Variants in ARHGAP8 observed in about 807,000 individuals in gnomAD.
The protein encoded by ARHGAP8 is Rho GTPase activating protein 8, also known as rho GTPase-activating protein 8.
A neutral mutation model predicts 46.1 loss-of-function variants in ARHGAP8; 62 were observed. The observed-to-expected ratio is 1.34, with a 90% CI of 1.10 to 1.66. The LOEUF (loss-of-function observed/expected upper bound fraction) is 1.66, where lower values mean the gene tolerates loss of function less well. Among genes scored for constraint, ARHGAP8 ranks in the 40% most tolerant of loss-of-function variants. The pLI, the probability that ARHGAP8 is intolerant of heterozygous loss-of-function variation, is 0.00. For synonymous variants in ARHGAP8, 375 were observed against 243.1 expected, an observed-to-expected ratio of 1.54 and a Z score of -5.05; for missense variants, 923 against 568.4, an observed-to-expected ratio of 1.62 and a Z score of -6.34.
rs1175445714 is a variant in ARHGAP8, at chr22:44,802,182, T to C, written c.167+18T>C. On this transcript the variant is annotated intron_variant, in intron 3 of 11. Coordinates refer to ENST00000356099, the MANE Select transcript of ARHGAP8 (RefSeq NM_181335.3). The stretch of plus-strand genomic sequence containing the variant: ...CTGCTGGAGTAAGTGTTCTGCCCCC[T>C]CTCTTTCTGTCCCTGTCTCTCCATG... 3 of 1,613,198 alleles carry C rather than the reference T, an allele frequency of 1.9e-6. No individual in the cohort carries two copies. The South Asian group carries it at 3.3e-5, about 18-fold the overall frequency.
At chr22:44,825,305 A>G (rs894289795) in intron 6 of ARHGAP8, among the ~76,000 whole-genome samples, 178 bp from the exon 7 acceptor site, 3 of 151,832 alleles carry the variant, frequency 2.0e-5, no homozygotes, top group South Asian at 2.1e-4. Context: ...GCCCACAGCA[A>G]TGGGGGATTG....
At position 44,813,368 on chromosome 22, in the gene ARHGAP8, TACACAC is replaced by T. The variant is rs376675077; in HGVS notation, c.300-1302_300-1297del. Reference sequence around the variant, plus strand: ...ATACATACACTTACACACACCTACATACACACATACCCACCTACAGTACATACACCC... The same window carrying T: ...ATACATACACTTACACACACCTACATATACCCACCTACAGTACATACACCC... On this transcript the variant is annotated intron_variant, in intron 4 of 11. Coordinates refer to ENST00000356099, the MANE Select transcript of ARHGAP8 (RefSeq NM_181335.3). 4.8e-5 allele frequency among the ~76,000 whole-genome samples: 7 copies of T among 146,130 alleles called. 1 individual carries two copies. In the South Asian group the frequency reaches 1.5e-3, roughly 32 times the overall value.
chr22:44,846,992 T>C (rs562777975), intron 8 of ARHGAP8, among the ~76,000 whole-genome samples: 85 of 152,190 alleles, frequency 5.6e-4, no homozygotes, highest in African/African-American at 2.0e-3. Context: ...GGAGAGCAGG[T>C]GAAGGGGCTC....
chr22:44,838,310 G>A (rs1429682618), intron 7 of ARHGAP8, among the ~76,000 whole-genome samples: 1 of 152,082 alleles, frequency 6.6e-6, no homozygotes, highest in Non-Finnish European at 1.5e-5. Context: ...GCTAATTTTT[G>A]CATTTTTAGT....
At chr22:44,840,627 CTG>C (rs1294253858) in intron 7 of ARHGAP8, among the ~76,000 whole-genome samples, 1 of 152,216 alleles carries the variant, frequency 6.6e-6, no homozygotes, top group Non-Finnish European at 1.5e-5. Flanking sequence ...GGGCAAGTAA[CTG>C]TAGCTCGCTG....
At chr22:44,857,802 C>T (rs1218889375) in intron 10 of ARHGAP8, among the ~76,000 whole-genome samples, 2 of 136,568 alleles carry the variant, frequency 1.5e-5, no homozygotes, top group African/African-American at 5.0e-5. Context: ...TCTCAGAGCT[C>T]TCTTTCCTCC....
intron 1 of ARHGAP8, among the ~76,000 whole-genome samples, chr22:44,762,522 C>T (rs960108835): frequency 2.7e-5 from 4 of 149,566 alleles, no homozygotes; most frequent in African/African-American, 7.4e-5. Flanking sequence ...TTTTGTTACT[C>T]ATTATGAACT....
At chr22:44,818,891 G>T (rs920519151) in intron 5 of ARHGAP8, among the ~76,000 whole-genome samples, 7 of 151,884 alleles carry the variant, frequency 4.6e-5, no homozygotes, top group African/African-American at 1.7e-4. Context: ...TTGAGACAGG[G>T]TCTCGCTATG....
chr22:44,753,566 G>C (rs150383299), intron 1 of ARHGAP8, among the ~76,000 whole-genome samples: 1 of 148,300 alleles, frequency 6.7e-6, no homozygotes, highest in East Asian at 2.1e-4. Context: ...CTCGGAGGTC[G>C]TCAGGAAGGC....
chr22:44,847,857 A>C, intron 8 of ARHGAP8, 116 bp from the exon 9 acceptor site: 1 of 1,326,468 alleles, frequency 7.5e-7, no homozygotes, highest in East Asian at 2.4e-5. Flanking sequence ...GGAACAAATA[A>C]ATGTGTGGAG....
At chr22:44,858,097 AAC>A (rs2070287539) in intron 10 of ARHGAP8, among the ~76,000 whole-genome samples, 1 of 152,238 alleles carries the variant, frequency 6.6e-6, no homozygotes, top group South Asian at 2.1e-4. Flanking sequence ...ATGACTGAAC[AAC>A]AGCTTGATTT....
chr22:44,756,108 T>C (rs1379458164), intron 1 of ARHGAP8, among the ~76,000 whole-genome samples: 1 of 39,260 alleles, frequency 2.5e-5, no homozygotes, highest in Non-Finnish European at 7.0e-5. Context: ...GGCCAAACAG[T>C]TCTTTCTTCA....
intron 2 of ARHGAP8, among the ~76,000 whole-genome samples, chr22:44,796,298 C>T (rs1928078379): frequency 6.6e-6 from 1 of 152,176 alleles, no homozygotes; most frequent in Admixed American, 6.5e-5. Flanking sequence ...ATCTCTGTGC[C>T]TGGTGGGTGG....
intron 4 of ARHGAP8, among the ~76,000 whole-genome samples, chr22:44,813,047 C>T (rs553493942): frequency 2.0e-5 from 3 of 152,194 alleles, no homozygotes; most frequent in South Asian, 2.1e-4. Context: ...ATATGCCAGG[C>T]TTATCTTGTA....
chr22:44,793,166 G>T (rs969046611), intron 2 of ARHGAP8, among the ~76,000 whole-genome samples: 2 of 152,152 alleles, frequency 1.3e-5, no homozygotes, highest in Non-Finnish European at 2.9e-5. Flanking sequence ...ATCTTAAGAA[G>T]TGGTCATTGT....
At chr22:44,813,126 G>A (rs1459086881) in intron 4 of ARHGAP8, among the ~76,000 whole-genome samples, 3 of 152,096 alleles carry the variant, frequency 2.0e-5, no homozygotes, top group African/African-American at 7.2e-5. Flanking sequence ...CCCTGTAGTG[G>A]AGAATGCTAT....
chr22:44,842,553 A>G (rs1207077928), intron 7 of ARHGAP8, among the ~76,000 whole-genome samples: 1 of 152,178 alleles, frequency 6.6e-6, no homozygotes, highest in East Asian at 1.9e-4. Context: ...TCACAGGCAG[A>G]CCTCAGTGGC....
At chr22:44,757,237 C>T (rs1487076698) in intron 1 of ARHGAP8, among the ~76,000 whole-genome samples, 1 of 151,982 alleles carries the variant, frequency 6.6e-6, no homozygotes, top group African/African-American at 2.4e-5. Context: ...TTAATATCAG[C>T]CAATGCTCAG....
intron 2 of ARHGAP8, among the ~76,000 whole-genome samples, chr22:44,796,427 T>C (rs1391372811): frequency 2.0e-5 from 3 of 151,502 alleles, no homozygotes; most frequent in African/African-American, 7.3e-5. Flanking sequence ...GAGGTAGCTC[T>C]AAGTCTTTGG....
Sources: gnomAD v4.1 joint callset for allele counts (sites outside exome capture counted in the v4.1 genomes callset) on GRCh38, gnomAD v4.1.1 for gene constraint, MANE v1.5 for transcripts, NCBI Gene and HGNC (gene_info 2026-07-23, HGNC 2026-07-21) for gene names.